KIF26B: variants seen among roughly 807,000 people sequenced by gnomAD.
The protein encoded by KIF26B is kinesin family member 26B, also known as kinesin-like protein KIF26B.
KIF26B carries 63 observed loss-of-function variants against 151.2 expected under a neutral mutation model. The observed-to-expected ratio is 0.42, with a 90% CI of 0.34 to 0.51. The LOEUF (loss-of-function observed/expected upper bound fraction) is 0.51. Among genes scored for constraint, KIF26B ranks in the 20% least tolerant of loss-of-function variants. The pLI, the probability that KIF26B is intolerant of heterozygous loss-of-function variation, is 0.07. For missense variants in KIF26B, 2,813 were observed against 2,913.6 expected (o/e 0.97, Z 0.79); for synonymous variants, 1,357 against 1,262.1 (o/e 1.08, Z -1.59).
Position 245,611,964 on chromosome 1 carries a change from G to A in KIF26B, c.2086G>A (p.Gly696Arg), listed in dbSNP as rs367682555. The change falls in exon 9 of 15, where the codon GGG becomes AGG. Residue 696 changes from glycine (G) to arginine (R), a missense_variant. Transcript: ENST00000407071. ...CTACCAGTACCGGATGGAGAAGAGC[G>A]GGAAAGGGGGAAGTAAGTCGGCCAC... Reference protein sequence around the residue: ...HIYQYRMEKSGKGGMSGGRSR... With the variant: ...HIYQYRMEKSRKGGMSGGRSR... 12 of 1,611,596 alleles carry A rather than the reference G, an allele frequency of 7.4e-6. No individual in the cohort carries two copies. The highest frequency in any genetic ancestry group is 3.3e-5 in the Admixed American group (2 of 59,976).
chr1:245,250,024 A>T (rs1363716565), intron 2 of KIF26B, among the ~76,000 whole-genome samples: 1 of 152,240 alleles, frequency 6.6e-6, no homozygotes, highest in Non-Finnish European at 1.5e-5. Flanking sequence ...ATATTAAAAA[A>T]TTTAAATCTA....
intron 10 of KIF26B, among the ~76,000 whole-genome samples, chr1:245,673,488 T>C (rs1187943647): frequency 6.6e-6 from 1 of 152,274 alleles, no homozygotes; most frequent in African/African-American, 2.4e-5. Flanking sequence ...TAGAAAATAG[T>C]AAATGAAACC....
intron 4 of KIF26B, among the ~76,000 whole-genome samples, chr1:245,455,394 C>T (rs1488230710): frequency 6.6e-6 from 1 of 152,064 alleles, no homozygotes; most frequent in Non-Finnish European, 1.5e-5. Context: ...GTCCCAGCTA[C>T]TCGGGAGGCT....
intron 10 of KIF26B, among the ~76,000 whole-genome samples, chr1:245,654,931 C>CTT (rs953646464): frequency 8.5e-5 from 13 of 152,348 alleles, no homozygotes; most frequent in Admixed American, 3.3e-4. Context: ...AGATCACGAG[C>CTT]TTTTCCTCAA....
rs149209950 is a variant in KIF26B at position 245,572,573 on chromosome 1, T to G, written c.1351-30004T>G. Among the ~76,000 whole-genome samples the G allele has an allele frequency of 7.9e-5, 12 of 152,204 alleles. No homozygotes were observed. The highest frequency in any genetic ancestry group is 2.6e-4 in the African/African-American group (11 of 41,522). On this transcript the variant is annotated intron_variant, in intron 5 of 14. Coordinates refer to ENST00000407071, the MANE Select transcript of KIF26B (RefSeq NM_018012.4). This position sits in a 1 kb window ranked among gnomAD's most constrained non-coding sequence, Gnocchi z 4.2. ...ATTCCTACTCGCTGCAGTGGGAAAT[T>G]TTATGTTATGTGAATTTTATCTCAT... is the stretch of plus-strand genomic sequence containing the variant.
intron 2 of KIF26B, among the ~76,000 whole-genome samples, chr1:245,289,354 G>A (rs1324241940): frequency 6.6e-6 from 1 of 152,112 alleles, no homozygotes; most frequent in Non-Finnish European, 1.5e-5. Context: ...GTTACCCCAG[G>A]CAATTATTAT....
chr1:245,200,944 GT>G (rs1422972775), intron 2 of KIF26B, among the ~76,000 whole-genome samples: 1 of 152,174 alleles, frequency 6.6e-6, no homozygotes, highest in Admixed American at 6.5e-5. Flanking sequence ...CTTTATTCTT[GT>G]TTTGTAGAAA....
chr1:245,351,197 G>A (rs1377834688), intron 2 of KIF26B, among the ~76,000 whole-genome samples: 2 of 152,202 alleles, frequency 1.3e-5, no homozygotes, highest in African/African-American at 2.4e-5. Context: ...ATTGAGCTGG[G>A]CTTCATACTT....
chr1:245,298,177 G>T (rs988199709), intron 2 of KIF26B, among the ~76,000 whole-genome samples: 1 of 152,180 alleles, frequency 6.6e-6, no homozygotes, highest in Non-Finnish European at 1.5e-5. Flanking sequence ...ATGAGCCACC[G>T]CGCCCAGCCC....
intron 3 of KIF26B, among the ~76,000 whole-genome samples, chr1:245,403,684 T>C (rs1704427): frequency 0.57 from 87,281 of 152,028 alleles, 25,220 homozygotes; most frequent in South Asian, 0.66. Context: ...AAACCTCTAC[T>C]AAATCTTAAG....
chr1:245,682,151 G>A (rs559279805), intron 10 of KIF26B, among the ~76,000 whole-genome samples: 113 of 152,238 alleles, frequency 7.4e-4, no homozygotes, highest in African/African-American at 2.6e-3. Context: ...AGGCTGAGGC[G>A]GGAGAATCCC....
chr1:245,180,141 A>G (rs776475390), intron 2 of KIF26B, among the ~76,000 whole-genome samples: 7 of 152,212 alleles, frequency 4.6e-5, no homozygotes, highest in Non-Finnish European at 1.0e-4. Flanking sequence ...TATCAGAGAT[A>G]TTTTGCTTTT....
intron 10 of KIF26B, among the ~76,000 whole-genome samples, chr1:245,676,857 C>T (rs182516490): frequency 3.3e-5 from 5 of 152,300 alleles, no homozygotes; most frequent in East Asian, 3.9e-4. Flanking sequence ...CACCAAGAAT[C>T]GCAGGCCCCA....
intron 4 of KIF26B, among the ~76,000 whole-genome samples, chr1:245,517,910 T>C (rs1406959600): frequency 2.7e-5 from 4 of 148,732 alleles, no homozygotes; most frequent in African/African-American, 1.0e-4. Context: ...TCTCACTCTA[T>C]CGCGCAGGCC....
chr1:245,193,209 A>G (rs1263780268), intron 2 of KIF26B, among the ~76,000 whole-genome samples: 1 of 152,262 alleles, frequency 6.6e-6, no homozygotes, highest in Non-Finnish European at 1.5e-5. Flanking sequence ...ATGTTGCTGC[A>G]AAAGACATGA....
intron 4 of KIF26B, among the ~76,000 whole-genome samples, chr1:245,434,742 T>A (rs1658862754): frequency 6.6e-6 from 1 of 152,072 alleles, no homozygotes; most frequent in Admixed American, 6.6e-5. Context: ...TGAGGCATGG[T>A]CTACTCTGTC....
chr1:245,600,680 G>T (rs542465081), intron 5 of KIF26B, among the ~76,000 whole-genome samples: 111 of 151,870 alleles, frequency 7.3e-4, no homozygotes, highest in Non-Finnish European at 1.3e-3. Flanking sequence ...AGCGTTAATG[G>T]TAAGGCTTGA....
chr1:245,570,356 G>A (rs566670727), intron 5 of KIF26B, among the ~76,000 whole-genome samples: 3 of 152,068 alleles, frequency 2.0e-5, no homozygotes, highest in East Asian at 1.9e-4. Flanking sequence ...TCCCACATTC[G>A]GTCCATCACC....
chr1:245,478,477 G>C (rs2363897), intron 4 of KIF26B, among the ~76,000 whole-genome samples: 64,996 of 144,980 alleles, frequency 0.45, 17,037 homozygotes, highest in Non-Finnish European at 0.57. Context: ...GCCCAGGCTG[G>C]AGTGCGGTGG....
Sources: allele counts gnomAD v4.1 joint callset (sites outside exome capture counted in the v4.1 genomes callset), GRCh38; gene constraint gnomAD v4.1.1; non-coding constraint Gnocchi (gnomAD v3.1); transcripts MANE v1.5; gene names NCBI Gene and HGNC (gene_info 2026-07-23, HGNC 2026-07-21).